The following TMED3 variants were observed in gnomAD, a reference collection of about 807,000 sequenced individuals.
The protein encoded by TMED3 is transmembrane p24 trafficking protein 3.
In TMED3, 9 loss-of-function variants were observed where a neutral mutation model predicts 15.0. That is an observed-to-expected ratio of 0.60 (90% confidence interval 0.36 to 1.04). TMED3 has a LOEUF of 1.04. TMED3 is among the 50% of genes least tolerant of loss of function. The pLI is 0.01. For synonymous variants in TMED3, 117 were observed against 121.4 expected (o/e 0.96, Z 0.24); for missense variants, 267 against 278.9 (o/e 0.96, Z 0.30).
chr15:79,331,542 C>CAAAAAAAAAAAAAAAAAAAAGAAA (rs71451761), intron 2 of TMED3, among the ~76,000 whole-genome samples: 1 of 89,288 alleles, frequency 1.1e-5, no homozygotes, highest in Non-Finnish European at 2.1e-5. Context: ...GCAAAAGAAG[C>CAAAAAAAAAAAAAAAAAAAAGAAA]AAAAAAAAAA....
Position 79,322,216 on chromosome 15 carries a change from C to T in TMED3, c.*2C>T. 6.2e-7 allele frequency: 1 copy of T among 1,610,752 alleles called. No individual in the cohort carries two copies. The highest frequency in any genetic ancestry group is 8.5e-7 in the Non-Finnish European group (1 of 1,177,946). ...ATCAGCAGGGCAGTCCACTCCTAGC[C>T]CCGGCATCCTGCTCTAGGGCCCCTC... is the stretch of plus-strand genomic sequence containing the variant. On this transcript the variant is annotated 3_prime_UTR_variant, in exon 3 of 3. Coordinates refer to ENST00000299705, the MANE Select transcript of TMED3 (RefSeq NM_007364.4).
chr15:79,342,063 C>G (rs1227978711), intron 2 of TMED3, among the ~76,000 whole-genome samples: 1 of 151,994 alleles, frequency 6.6e-6, no homozygotes, highest in Non-Finnish European at 1.5e-5. Context: ...TGGATGGGGG[C>G]AGATGAAAAT....
intron 2 of TMED3, among the ~76,000 whole-genome samples, chr15:79,356,504 A>G (rs1325101920): frequency 3.3e-5 from 5 of 152,358 alleles, no homozygotes; most frequent in African/African-American, 1.2e-4. Flanking sequence ...TCCAGTAGTG[A>G]AAAGACAGCC....
At chr15:79,353,715 T>C (rs2058907449) in intron 2 of TMED3, among the ~76,000 whole-genome samples, 1 of 151,948 alleles carries the variant, frequency 6.6e-6, no homozygotes, top group Non-Finnish European at 1.5e-5. Context: ...TATTTTGCTT[T>C]TCTGTATTTT....
At position 79,358,744 on chromosome 15, in the gene TMED3, C is replaced by T. The variant is rs1011847157; in HGVS notation, c.417+44739C>T. ...TTTCTTATTTGCCTGATGCTTAAAACGAAATTTCATAGAAAGCAGGCAGCT... is the reference window on the plus strand; with the variant it reads ...TTTCTTATTTGCCTGATGCTTAAAATGAAATTTCATAGAAAGCAGGCAGCT... On this transcript the variant is annotated intron_variant, in intron 2 of 2. Coordinates refer to the TMED3 transcript ENST00000424155. Among the ~76,000 whole-genome samples the T allele has an allele frequency of 8.5e-5, 13 of 152,326 alleles. No homozygotes were observed. In the South Asian group the frequency reaches 1.9e-3, roughly 22 times the overall value.
intron 2 of TMED3, among the ~76,000 whole-genome samples, chr15:79,399,702 T>A (rs1289916624): frequency 6.6e-6 from 1 of 152,236 alleles, no homozygotes; most frequent in African/African-American, 2.4e-5. Context: ...CTTCCCATAC[T>A]GGGCAGAACA....
At chr15:79,311,772 C>A (rs1038183191) in intron 1 of TMED3, among the ~76,000 whole-genome samples, 2 of 152,106 alleles carry the variant, frequency 1.3e-5, no homozygotes, top group Admixed American at 1.3e-4. Context: ...GGCTCTCTAA[C>A]CCCAGTCTCT....
intron 2 of TMED3, among the ~76,000 whole-genome samples, chr15:79,331,928 GGGAACTCTTATACACTGT>G (rs2058810834): frequency 1.3e-5 from 2 of 152,064 alleles, no homozygotes; most frequent in Admixed American, 1.3e-4. Context: ...GCAGAGAAAA[GGGAACTCTTATACACTGT>G]GGAAGCTGAG....
intron 2 of TMED3, among the ~76,000 whole-genome samples, chr15:79,333,306 G>T (rs999138340): frequency 3.3e-5 from 5 of 152,212 alleles, no homozygotes; most frequent in African/African-American, 1.2e-4. Flanking sequence ...CAAGTTTGGG[G>T]AGAACCTGTT....
At chr15:79,342,223 T>C (rs66481956) in intron 2 of TMED3, among the ~76,000 whole-genome samples, 38,567 of 152,134 alleles carry the variant, frequency 0.25, 6,067 homozygotes, top group Middle Eastern at 0.41. Flanking sequence ...GATACTCATC[T>C]ATCAGAAGAG....
chr15:79,332,800 T>A (rs118118616), intron 2 of TMED3, among the ~76,000 whole-genome samples: 1,802 of 152,326 alleles, frequency 0.012, 93 homozygotes, highest in East Asian at 0.12. Flanking sequence ...TCTGATCTAG[T>A]GTTTATGATG....
chr15:79,367,235 G>T (rs1014419330), intron 2 of TMED3, among the ~76,000 whole-genome samples: 2 of 152,140 alleles, frequency 1.3e-5, no homozygotes, highest in Admixed American at 1.3e-4. Flanking sequence ...GCAGGTTACT[G>T]GATACTATAG....
intron 2 of TMED3, among the ~76,000 whole-genome samples, chr15:79,356,655 G>C (rs914495352): frequency 3.9e-5 from 6 of 152,348 alleles, no homozygotes; most frequent in Non-Finnish European, 5.9e-5. Context: ...GAGAGTGTCA[G>C]GGGATGGGGG....
intron 2 of TMED3, among the ~76,000 whole-genome samples, chr15:79,390,300 C>A (rs563794667): frequency 1.3e-5 from 2 of 152,138 alleles, no homozygotes; most frequent in Admixed American, 1.3e-4. Context: ...AATCATGAAG[C>A]AATGATGGAT....
At chr15:79,341,757 C>T (rs1268225097) in intron 2 of TMED3, among the ~76,000 whole-genome samples, 2 of 152,186 alleles carry the variant, frequency 1.3e-5, no homozygotes, top group South Asian at 2.1e-4. Flanking sequence ...AAGGAAGGAC[C>T]GCATGATCTC....
At chr15:79,393,341 A>C (rs1489862355) in intron 2 of TMED3, among the ~76,000 whole-genome samples, 1 of 152,226 alleles carries the variant, frequency 6.6e-6, no homozygotes, top group African/African-American at 2.4e-5. Context: ...AGTAGCTACT[A>C]TCTGTAAGTA....
chr15:79,348,028 T>C (rs1164888877), intron 2 of TMED3, among the ~76,000 whole-genome samples: 1 of 152,134 alleles, frequency 6.6e-6, no homozygotes, highest in African/African-American at 2.4e-5. Context: ...CAGTCATAGA[T>C]TGCTTGTGGG....
At chr15:79,349,557 C>T (rs11855877) in intron 2 of TMED3, among the ~76,000 whole-genome samples, 14,242 of 152,154 alleles carry the variant, frequency 0.094, 708 homozygotes, top group Admixed American at 0.12. Flanking sequence ...ATTCGTCTCT[C>T]CCTAAAAACC....
chr15:79,364,105 C>T (rs1294823773), intron 2 of TMED3, among the ~76,000 whole-genome samples: 1 of 152,168 alleles, frequency 6.6e-6, no homozygotes, highest in Non-Finnish European at 1.5e-5. Flanking sequence ...AAAAGGAAAG[C>T]TCTCAGCAAA....
Sources: gnomAD v4.1 joint callset for allele counts (sites outside exome capture counted in the v4.1 genomes callset) on GRCh38, gnomAD v4.1.1 for gene constraint, MANE v1.5 for transcripts, NCBI Gene and HGNC (gene_info 2026-07-23, HGNC 2026-07-21) for gene names.